FRMD4B: variants seen among roughly 807,000 people sequenced by gnomAD.
The protein encoded by FRMD4B is FERM domain-containing protein 4B.
FRMD4B carries 74 observed loss-of-function variants against 141.5 expected under a neutral mutation model. The ratio of observed to expected loss-of-function variants is 0.52; its 90% CI spans 0.43 to 0.63. FRMD4B has a LOEUF of 0.63. Among genes scored for constraint, FRMD4B ranks in the 30% least tolerant of loss-of-function variants. The probability of loss-of-function intolerance (pLI) is 0.00; values close to 1 mark genes in which losing one functional copy is unlikely to be tolerated. For missense variants in FRMD4B, 1,366 were observed against 1,253.4 expected, an observed-to-expected ratio of 1.09 and a Z score of -1.36; for synonymous variants, 506 against 467.9, an observed-to-expected ratio of 1.08 and a Z score of -1.05.
chr3:69,417,079 G>T (rs1190936271), intron 2 of FRMD4B, among the ~76,000 whole-genome samples: 1 of 152,128 alleles, frequency 6.6e-6, no homozygotes, highest in African/African-American at 2.4e-5. Context: ...TAATGGGATT[G>T]CTGGACCAAA....
At chr3:69,306,088 T>C (rs965532930) in intron 3 of FRMD4B, among the ~76,000 whole-genome samples, 7 of 152,114 alleles carry the variant, frequency 4.6e-5, no homozygotes, top group Non-Finnish European at 8.8e-5. Flanking sequence ...AAATTACAAA[T>C]TAGATTTTAA....
Position 69,408,388 on chromosome 3 carries a change from C to A in FRMD4B, c.-1+24246G>T, listed in dbSNP as rs571284871. Among the ~76,000 whole-genome samples, 22 of 152,272 alleles carry A rather than the reference C, an allele frequency of 1.4e-4. No homozygotes were observed. In the South Asian group the frequency reaches 4.6e-3, roughly 32 times the overall value. On this transcript the variant is annotated intron_variant, in intron 2 of 5. Transcript: ENST00000459638. ...CAAGTGTGGTTCAAGAGCCAAGTGCCCCCAAAGGCATCATCTTGCTAGTCT... is the reference window on the plus strand; with the variant it reads ...CAAGTGTGGTTCAAGAGCCAAGTGCACCCAAAGGCATCATCTTGCTAGTCT...
rs2092590847 is a variant in FRMD4B, at chr3:69,171,858, A to AG, written c.*2dup. On this transcript the variant is annotated 3_prime_UTR_variant, in exon 23 of 23. Coordinates refer to ENST00000398540, the MANE Select transcript of FRMD4B (RefSeq NM_015123.3). ...GTGCTTGGTCAGGAGGTCCAACTGC[A>AG]GTTCAGACTAATGTTCCAGGCTTTG... 7 of 1,611,062 alleles carry AG rather than the reference A, an allele frequency of 4.3e-6. No homozygotes were observed. Among genetic ancestry groups the AG allele is most frequent in the Non-Finnish European group, 5.9e-6 (7 of 1,177,820 alleles).
At chr3:69,384,312 CAGATA>C (rs1376656858) in intron 1 of FRMD4B, among the ~76,000 whole-genome samples, 1 of 152,192 alleles carries the variant, frequency 6.6e-6, no homozygotes, top group Non-Finnish European at 1.5e-5. Context: ...AACAGTATTA[CAGATA>C]AGCCATAAAT....
intron 1 of FRMD4B, chr3:69,433,121 G>C (rs1705205760): frequency 6.6e-6 from 1 of 152,182 alleles, no homozygotes; most frequent in Non-Finnish European, 1.5e-5. Flanking sequence ...AAGTGGGAGA[G>C]AGAACTCAGT....
At chr3:69,492,747 C>T (rs1706319660) in intron 1 of FRMD4B, among the ~76,000 whole-genome samples, 1 of 152,198 alleles carries the variant, frequency 6.6e-6, no homozygotes, top group South Asian at 2.1e-4. Flanking sequence ...TGATTTTTGA[C>T]AAACTCTAAT....
At chr3:69,348,253 G>A (rs369100415) in intron 1 of FRMD4B, among the ~76,000 whole-genome samples, 17 of 152,072 alleles carry the variant, frequency 1.1e-4, no homozygotes, top group African/African-American at 2.4e-4. Flanking sequence ...TAAGTTCCTC[G>A]ACACATACAC....
At chr3:69,414,147 G>C (rs1360312963) in intron 2 of FRMD4B, among the ~76,000 whole-genome samples, 5 of 152,106 alleles carry the variant, frequency 3.3e-5, no homozygotes, top group Non-Finnish European at 7.4e-5. Flanking sequence ...AGTGCTTCTA[G>C]AGGAGAAAAG....
At chr3:69,259,157 A>T (rs186440091) in intron 5 of FRMD4B, among the ~76,000 whole-genome samples, 1 of 152,290 alleles carries the variant, frequency 6.6e-6, no homozygotes, top group Admixed American at 6.5e-5. Flanking sequence ...GGAGACAGCG[A>T]CGGATCATCT....
intron 5 of FRMD4B, among the ~76,000 whole-genome samples, chr3:69,284,826 C>T (rs1402260089): frequency 6.6e-6 from 1 of 152,166 alleles, no homozygotes; most frequent in Admixed American, 6.5e-5. Context: ...TAAATAGTCA[C>T]ATGCAAGATG....
At chr3:69,334,489 T>TA (rs1355778843) in intron 1 of FRMD4B, 1 of 150,014 alleles carries the variant, frequency 6.7e-6, no homozygotes, top group African/African-American at 2.5e-5. Flanking sequence ...AAAAAAAAAT[T>TA]AAAAAAATAC....
intron 2 of FRMD4B, among the ~76,000 whole-genome samples, chr3:69,392,602 C>T (rs2106727008): frequency 6.6e-6 from 1 of 152,290 alleles, no homozygotes; most frequent in Admixed American, 6.5e-5. Context: ...GGAATATCTA[C>T]ATAACTAAGC....
At chr3:69,176,758 G>T (rs2092650501) in intron 21 of FRMD4B, 102 bp from the exon 22 acceptor site, 7 of 746,138 alleles carry the variant, frequency 9.4e-6, no homozygotes, top group Non-Finnish European at 1.5e-5. Flanking sequence ...TGTCAGAGGA[G>T]AAATTTAAGA....
intron 1 of FRMD4B, among the ~76,000 whole-genome samples, chr3:69,351,952 T>C (rs959095414): frequency 6.6e-6 from 1 of 152,196 alleles, no homozygotes; most frequent in African/African-American, 2.4e-5. Flanking sequence ...CTCCTGATAG[T>C]TACTGGGAAT....
In FRMD4B at chr3:69,302,387, A is replaced by G. The variant is rs1279550221; in HGVS notation, c.372T>C (p.Asp124=). 6.2e-7 allele frequency: 1 copy of G among 1,609,964 alleles called. No homozygotes were observed. The highest frequency in any genetic ancestry group is 8.5e-7 in the Non-Finnish European group (1 of 1,177,584). Residue 124 remains aspartate (D), a synonymous_variant, in exon 4 of 23, where the codon GAT becomes GAC. Transcript: ENST00000398540. The part of the protein sequence containing the change: ...LQLDHRVLDH[D]LPKKPGPTIL... ...TGGTTGGGCCTGGTTTCTTGGGCAA[A>G]TCGTGGTCAAGAACTCGGTGATCTA...
rs570142034 is a variant in FRMD4B at position 69,442,235 on chromosome 3, T to C, written c.-128-9474A>G. On this transcript the variant is annotated intron_variant, in intron 1 of 5. Coordinates refer to the FRMD4B transcript ENST00000459638. ...TAGCTGGAATTACAAGTGCACACCA[T>C]CATGCTCAGTTAATTTTTAAATTTT... Among the ~76,000 whole-genome samples the C allele has an allele frequency of 2.6e-5, 4 of 152,044 alleles. No individual in the cohort carries two copies. The South Asian group carries it at 8.3e-4, about 32-fold the overall frequency.
intron 11 of FRMD4B, among the ~76,000 whole-genome samples, chr3:69,212,156 T>G (rs2093088084): frequency 6.6e-6 from 1 of 151,248 alleles, no homozygotes; most frequent in South Asian, 2.1e-4. Flanking sequence ...GGTCAGGAGT[T>G]CGAGACCAGC....
Position 69,176,635 on chromosome 3 carries a change from C to T in FRMD4B, c.2873G>A (p.Gly958Glu). ...TATGGTTAACTGGGTCCTCCAGTTCCCAGAAGCATTTGTAGAAGACACTGG... is the reference window on the plus strand; with the variant it reads ...TATGGTTAACTGGGTCCTCCAGTTCTCAGAAGCATTTGTAGAAGACACTGG... The part of the protein sequence containing the change: ...YSSVSSTNAS[G>E]NWRTQLTIGL... Residue 958 changes from glycine to glutamate, a missense_variant, in exon 22 of 23, where the codon GGG becomes GAG. Physicochemically the swap from Gly to Glu is moderately conservative, Grantham distance 98. Transcript: ENST00000398540. The T allele has an allele frequency of 6.2e-7, 1 of 1,600,680 alleles. No individual in the cohort carries two copies. Among genetic ancestry groups the T allele is most frequent in the Non-Finnish European group, 8.6e-7 (1 of 1,168,202 alleles).
intron 1 of FRMD4B, among the ~76,000 whole-genome samples, chr3:69,339,087 T>C (rs1702649399): frequency 6.6e-6 from 1 of 152,168 alleles, no homozygotes; most frequent in Non-Finnish European, 1.5e-5. Context: ...TGTGGGCTGG[T>C]AAAACTGTAA....
Sources: allele counts gnomAD v4.1 joint callset (sites outside exome capture counted in the v4.1 genomes callset), GRCh38; gene constraint gnomAD v4.1.1; transcripts MANE v1.5; gene names NCBI Gene and HGNC (gene_info 2026-07-23, HGNC 2026-07-21).